The following ANHX variants were observed in gnomAD, a reference collection of about 807,000 sequenced individuals.
ANHX encodes the protein anomalous homeobox protein.
In ANHX, 20 loss-of-function variants were observed where a neutral mutation model predicts 38.9. That is an observed-to-expected ratio of 0.51 (90% CI 0.36 to 0.75). The LOEUF is 0.75. Among genes scored for constraint, ANHX ranks in the 30% least tolerant of loss-of-function variants. ANHX has a pLI of 0.00. For synonymous variants in ANHX, 185 were observed against 203.1 expected (o/e 0.91, Z 0.76); for missense variants, 475 against 493.1 (o/e 0.96, Z 0.35).
At chr12:133,222,068 G>T (rs1957115148) in intron 7 of ANHX, among the ~76,000 whole-genome samples, 1 of 152,104 alleles carries the variant, frequency 6.6e-6, no homozygotes, top group South Asian at 2.1e-4. Flanking sequence ...CACCTAACCT[G>T]GTGCCCAGCT....
At chr12:133,228,000 T>A in intron 3 of ANHX, 53 bp from the exon 4 acceptor site, 3 of 1,528,764 alleles carry the variant, frequency 2.0e-6, no homozygotes, top group Non-Finnish European at 2.6e-6. Flanking sequence ...CCAAATCTGT[T>A]CCCTTCTCCA....
At position 133,219,309 on chromosome 12, in the gene ANHX, G is replaced by C. The variant is rs1292673677; in HGVS notation, c.1339C>G (p.Leu447Val). ...TGGCTGGAGGGCAGGGCCTGGCTCA[G>C]CTCCATGGCAGACACAGGGCCGGGG... is the stretch of plus-strand genomic sequence containing the variant. ...AFPGPVSAMELSQALPSSQVQ... is the reference protein window; with the variant it reads ...AFPGPVSAMEVSQALPSSQVQ... Residue 447 changes from leucine (L) to valine (V), a missense_variant, in exon 9 of 10, where the codon CTG becomes GTG. By Grantham distance (32) the Leu-to-Val change is conservative. Coordinates refer to ENST00000545940, the MANE Select transcript of ANHX (RefSeq NM_001372060.1). 1 of 1,535,514 alleles carries C rather than the reference G, an allele frequency of 6.5e-7. No homozygotes were observed. The highest frequency in any genetic ancestry group is 1.4e-5 in the African/African-American group (1 of 73,048).
Position 133,218,950 on chromosome 12 carries a change from C to T in ANHX, c.1387G>A (p.Ala463Thr). The change falls in exon 10 of 10, where the codon GCC becomes ACC. Residue 463 changes from alanine (A) to threonine (T), a missense_variant. By Grantham distance (58) the Ala-to-Thr change is moderately conservative. Transcript: ENST00000545940. ...SSQVQCSDSQ[A>T]SGDAFWGARM... ...GCTCCCCAGAAGGCATCACCAGAGG[C>T]CTGGCTATCAGAACACTGCACCTGG... The T allele has an allele frequency of 6.5e-7, 1 of 1,534,444 alleles. No homozygotes were observed. Among genetic ancestry groups the T allele is most frequent in the Non-Finnish European group, 8.7e-7 (1 of 1,145,712 alleles).
At chr12:133,224,612 G>A (rs572593148) in intron 7 of ANHX, among the ~76,000 whole-genome samples, 403 of 143,618 alleles carry the variant, frequency 2.8e-3, no homozygotes, top group African/African-American at 9.6e-3. Flanking sequence ...GCAGTGAGCC[G>A]AGATCGTGAC....
intron 7 of ANHX, among the ~76,000 whole-genome samples, chr12:133,223,104 G>T (rs181731340): frequency 5.6e-4 from 85 of 151,822 alleles, no homozygotes; most frequent in Non-Finnish European, 9.3e-4. Context: ...CAGGAGAATC[G>T]CTTGAACCTG....
At chr12:133,229,985 T>C (rs1957245818) in intron 3 of ANHX, among the ~76,000 whole-genome samples, 1 of 152,154 alleles carries the variant, frequency 6.6e-6, no homozygotes, top group African/African-American at 2.4e-5. Flanking sequence ...CACATCACCA[T>C]ACTCAAGACT....
At chr12:133,234,426 T>C in intron 1 of ANHX, 48 bp from the exon 2 acceptor site, 2 of 1,487,018 alleles carry the variant, frequency 1.3e-6, no homozygotes, top group South Asian at 2.6e-5. Flanking sequence ...ACCACGTCCT[T>C]TCTGTCAGTC....
intron 7 of ANHX, among the ~76,000 whole-genome samples, chr12:133,223,272 A>G (rs978187107): frequency 6.6e-6 from 1 of 151,894 alleles, no homozygotes; most frequent in Admixed American, 6.6e-5. Flanking sequence ...GCACATCAAT[A>G]AAAAAATACA....
chr12:133,226,299 G>A lies in ANHX; in HGVS notation c.839+19C>T. On this transcript the variant is annotated intron_variant, in intron 6 of 9. Coordinates refer to ENST00000545940, the MANE Select transcript of ANHX (RefSeq NM_001372060.1). The stretch of plus-strand genomic sequence containing the variant: ...ACTGAATAGGTGAGATGATTCCATG[G>A]CCATGGAGATGACAGTACCTGACAT... The A allele has an allele frequency of 6.5e-7, 1 of 1,536,228 alleles. No individual in the cohort carries two copies.
chr12:133,218,478 G>A lies in ANHX; in HGVS notation c.*407C>T, dbSNP rs1416514150. 1.3e-5 allele frequency: 2 copies of A among 158,628 alleles called. No individual in the cohort carries two copies. Among genetic ancestry groups the A allele is most frequent in the African/African-American group, 4.8e-5 (2 of 41,660 alleles). 9.8% of individuals were successfully genotyped at this position (158,628 alleles called of 1,614,324 possible). ...GAAGCCCCTACACACAGAAATCTCA[G>A]AACACTCCTCATACCTCACTCAGTT... On this transcript the variant is annotated 3_prime_UTR_variant, in exon 10 of 10. Transcript: ENST00000545940.
At chr12:133,224,500 G>A (rs933712375) in intron 7 of ANHX, among the ~76,000 whole-genome samples, 11 of 150,488 alleles carry the variant, frequency 7.3e-5, no homozygotes, top group Non-Finnish European at 1.2e-4. Flanking sequence ...TGTCTCTACT[G>A]AAAATACAAA....
Position 133,221,076 on chromosome 12 carries a change from A to G in ANHX, c.1280+129T>C. 8.1e-7 allele frequency: 1 copy of G among 1,229,366 alleles called. No individual in the cohort carries two copies. The highest frequency in any genetic ancestry group is 1.1e-6 in the Non-Finnish European group (1 of 918,678). The allele number at this position is 1,229,366 out of a possible 1,614,324, so 76.2% of individuals were successfully genotyped here. On this transcript the variant is annotated intron_variant, in intron 8 of 9. Transcript: ENST00000545940. This position sits in a 1 kb window ranked among gnomAD's most constrained non-coding sequence, Gnocchi z 4.1. ...GGTGTAGGCTTGTGGGGACTGTTAC[A>G]GTTTTCAGCAATCCAAAGGAGAGGA...
At chr12:133,230,240 C>T (rs1039343220) in intron 3 of ANHX, among the ~76,000 whole-genome samples, 2 of 152,204 alleles carry the variant, frequency 1.3e-5, no homozygotes, top group South Asian at 4.1e-4. Flanking sequence ...ACAAACATGT[C>T]GACAAGATGA....
At position 133,225,582 on chromosome 12, in the gene ANHX, G is replaced by A. The variant is rs908341449; in HGVS notation, c.1086C>T (p.Thr362=). 1.2e-4 allele frequency among the ~76,000 whole-genome samples: 18 copies of A among 152,232 alleles called. No homozygotes were observed. The highest frequency in any genetic ancestry group is 4.1e-4 in the South Asian group (2 of 4,834). The change falls in exon 7 of 10, where the codon ACC becomes ACT. Residue 362 remains threonine (T), a synonymous_variant. Coordinates refer to ENST00000545940, the MANE Select transcript of ANHX (RefSeq NM_001372060.1). The part of the protein sequence containing the change: ...GLDFMMGPAD[T]AVAVSIATLG... ...GGGTGGCAATGGACACAGCCACAGCGGTGTCTGCAGGGCCCATCATGAAGT... is the reference window on the plus strand; with the variant it reads ...GGGTGGCAATGGACACAGCCACAGCAGTGTCTGCAGGGCCCATCATGAAGT...
At position 133,224,806 on chromosome 12, in the gene ANHX, AG is replaced by A. The variant is rs759749498; in HGVS notation, c.1132+729del. On this transcript the variant is annotated intron_variant, in intron 7 of 9. Coordinates refer to ENST00000545940, the MANE Select transcript of ANHX (RefSeq NM_001372060.1). The stretch of plus-strand genomic sequence containing the variant: ...GGGTGAAACCCCGTCTCTACTAAAA[AG>A]TACAAAAAAATTAGCCAGGCGTGGT... Among the ~76,000 whole-genome samples the A allele has an allele frequency of 5.3e-3, 798 of 150,898 alleles. 12 individuals are homozygous for A. Among genetic ancestry groups the A allele is most frequent in the African/African-American group, 0.018 (738 of 40,926 alleles).
At chr12:133,234,516 A>C in intron 1 of ANHX, 138 bp from the exon 2 acceptor site, 9 of 954,572 alleles carry the variant, frequency 9.4e-6, no homozygotes, top group Non-Finnish European at 1.4e-5. Flanking sequence ...ATAAGACCTC[A>C]CACATCCCGA....
chr12:133,231,055 G>A (rs1282497200), intron 3 of ANHX, among the ~76,000 whole-genome samples: 2 of 152,166 alleles, frequency 1.3e-5, no homozygotes, highest in African/African-American at 4.8e-5. Context: ...CTCTTTGAAA[G>A]GCCTTGCAAC....
At chr12:133,230,361 G>C (rs962319398) in intron 3 of ANHX, among the ~76,000 whole-genome samples, 1 of 152,214 alleles carries the variant, frequency 6.6e-6, no homozygotes, top group Non-Finnish European at 1.5e-5. Flanking sequence ...GTCTTACTCT[G>C]TCACTCTATT....
chr12:133,221,218 T>C lies in ANHX; in HGVS notation c.1267A>G (p.Ile423Val), dbSNP rs1434202383. 6.5e-7 allele frequency: 1 copy of C among 1,536,012 alleles called. No homozygotes were observed. Among genetic ancestry groups the C allele is most frequent in the Non-Finnish European group, 8.7e-7 (1 of 1,146,884 alleles). Residue 423 changes from isoleucine to valine, a missense_variant, in exon 8 of 10, where the codon ATC becomes GTC. Coordinates refer to ENST00000545940, the MANE Select transcript of ANHX (RefSeq NM_001372060.1). The surrounding 1 kb of genome is among the most constrained non-coding windows in gnomAD (Gnocchi z 4.1). ...TQPPLQAPEF[I>V]LTQSPPELAP... ...TTCAGGGCTTACCTCTGGGTGAGGA[T>C]GAATTCAGGAGCTTGCAGTGGGGGC...
Sources: gnomAD v4.1 joint callset for allele counts (sites outside exome capture counted in the v4.1 genomes callset) on GRCh38, gnomAD v4.1.1 for gene constraint, Gnocchi (gnomAD v3.1) non-coding constraint, MANE v1.5 for transcripts, NCBI Gene and HGNC (gene_info 2026-07-23, HGNC 2026-07-21) for gene names.